The following JSRP1 variants were observed in gnomAD, a reference collection of about 807,000 sequenced individuals.
JSRP1 encodes the protein junctional sarcoplasmic reticulum protein 1, also known as 2310032K21Rik.
A neutral mutation model predicts 21.4 loss-of-function variants in JSRP1; 29 were observed. The ratio of observed to expected loss-of-function variants is 1.36; its 90% CI spans 1.01 to 1.85. The LOEUF is 1.85. Ranked by LOEUF, JSRP1 falls within the 40% of genes most tolerant of loss-of-function variation. The probability of loss-of-function intolerance (pLI) is 0.00; values close to 1 mark genes in which losing one functional copy is unlikely to be tolerated. For synonymous variants in JSRP1, 221 were observed against 206.1 expected, an observed-to-expected ratio of 1.07 and a Z score of -0.62; for missense variants, 531 against 461.5, an observed-to-expected ratio of 1.15 and a Z score of -1.38.
rs1455530916 is a variant in JSRP1 at position 2,253,643 on chromosome 19, C to T, written c.413G>A (p.Gly138Asp). 2.0e-6 allele frequency: 3 copies of T among 1,503,466 alleles called. No homozygotes were observed. Among genetic ancestry groups the T allele is most frequent in the East Asian group, 2.7e-5 (1 of 36,586 alleles). The allele number at this position is 1,503,466 out of a possible 1,614,324, so 93.1% of individuals were successfully genotyped here. ...ACCGCGGCACAGCTGGAAAGCCGAG[C>T]CCAGCAGCGCCACCAGCGAGGCGAG... ...LVLASLVALL[G>D]SAFQLCRDAV... Residue 138 changes from glycine to aspartate, a missense_variant, in exon 5 of 7, where the codon GGC becomes GAC. Gly to Asp is a moderately conservative substitution (Grantham distance 94). Transcript: ENST00000300961.
chr19:2,253,943 G>A (rs2025109645), intron 4 of JSRP1, 150 bp from the exon 5 acceptor site: 1 of 955,760 alleles, frequency 1.0e-6, no homozygotes, highest in Non-Finnish European at 1.4e-6. Context: ...CCAGCCCCGG[G>A]TGCCCCGCAG....
At chr19:2,255,092 A>T in intron 2 of JSRP1, 114 bp downstream of exon 2, 1 of 602,910 alleles carries the variant, frequency 1.7e-6, no homozygotes, top group Non-Finnish European at 2.8e-6. Context: ...TGGGGAGCAC[A>T]CTATAAGCCA....
chr19:2,255,245 G>A lies in JSRP1; in HGVS notation c.70C>T (p.His24Tyr), dbSNP rs1475716604. The change falls in exon 2 of 7, where the codon CAC becomes TAC. Residue 24 changes from histidine to tyrosine, a missense_variant. Transcript: ENST00000300961. Reference protein sequence around the residue: ...GLGSCQALEDHSALAETQEDR... With the variant: ...GLGSCQALEDYSALAETQEDR... ...TCCTGGGTCTCGGCCAGCGCAGAGT[G>A]GTCCTCCAGGGCCTGGCAGCTGCCC... The A allele has an allele frequency of 8.1e-6, 13 of 1,611,274 alleles. No individual in the cohort carries two copies. The Admixed American group carries it at 2.0e-4, about 25-fold the overall frequency.
At chr19:2,254,828 G>C (rs1169652008) in intron 2 of JSRP1, among the ~76,000 whole-genome samples, 4 of 151,974 alleles carry the variant, frequency 2.6e-5, no homozygotes, top group Admixed American at 6.6e-5. Context: ...GGAGGTCAAG[G>C]CTGCAGTGAC....
chr19:2,252,461 G>A lies in JSRP1; in HGVS notation c.864C>T (p.His288=), dbSNP rs77817818. Residue 288 remains histidine (H), a synonymous_variant, in exon 7 of 7, where the codon CAC becomes CAT. Coordinates refer to ENST00000300961, the MANE Select transcript of JSRP1 (RefSeq NM_144616.4). ...CCCTGGAGTCCCGTGCCCACGGCCG[G>A]TGGCCCCCTTCGCGTGACTCCCAGC... ...PQRWESREGG[H]RPWARDSRDA... 3,170 of 1,611,648 alleles carry A rather than the reference G, an allele frequency of 2.0e-3. 64 individuals are homozygous for A. The East Asian group carries it at 0.047, about 24-fold the overall frequency.
At chr19:2,253,593 C>A in intron 5 of JSRP1, 27 bp downstream of exon 5, 1 of 1,426,240 alleles carries the variant, frequency 7.0e-7, no homozygotes, top group South Asian at 1.4e-5. Context: ...CCCAGCCTCG[C>A]CCCACCTCTG....
chr19:2,253,275 G>A (rs1298987317), intron 5 of JSRP1, among the ~76,000 whole-genome samples: 1 of 150,848 alleles, frequency 6.6e-6, no homozygotes, highest in African/African-American at 2.4e-5. Context: ...GGTCGCAGGA[G>A]TGCCCCCGGG....
chr19:2,253,159 G>A (rs2025089293), intron 5 of JSRP1, among the ~76,000 whole-genome samples, 156 bp from the exon 6 acceptor site: 1 of 152,322 alleles, frequency 6.6e-6, no homozygotes, highest in Admixed American at 6.5e-5. Context: ...CGTGGGAAGG[G>A]ACTCCGGGAC....
In JSRP1 at chr19:2,253,721, G is replaced by A. The variant is rs1291542574; in HGVS notation, c.335C>T (p.Ala112Val). Residue 112 changes from alanine to valine, a missense_variant, in exon 5 of 7, where the codon GCC becomes GTC. Transcript: ENST00000300961. Reference protein sequence around the residue: ...PPLQPPPPPPALSEELPWGDL... With the variant: ...PPLQPPPPPPVLSEELPWGDL... ...TCCCCAGGGCAGCTCCTCGCTCAGG[G>A]CCGGGGGCGGCGGCGGCGGCTGCAG... The A allele has an allele frequency of 6.7e-7, 1 of 1,492,198 alleles. No homozygotes were observed. The highest frequency in any genetic ancestry group is 8.9e-7 in the Non-Finnish European group (1 of 1,128,976). 92.4% of individuals were successfully genotyped at this position (1,492,198 alleles called of 1,614,324 possible).
rs113097428 is a variant in JSRP1, at chr19:2,252,904, G to A, written c.528+8C>T. The A allele has an allele frequency of 7.3e-4, 1,175 of 1,608,506 alleles. 4 individuals are homozygous for A. The African/African-American group carries it at 0.013, about 18-fold the overall frequency. The stretch of plus-strand genomic sequence containing the variant: ...CAATGCCCGCGGTCAGTGGAAGGAA[G>A]CTCTTACCAGGGGCGACGATGGCTC... On this transcript the variant is annotated splice_region_variant and intron_variant, in intron 6 of 6. Coordinates refer to ENST00000300961, the MANE Select transcript of JSRP1 (RefSeq NM_144616.4).
In JSRP1 at chr19:2,252,315, G is replaced by A. The variant is rs200163373; in HGVS notation, c.*14C>T. On this transcript the variant is annotated 3_prime_UTR_variant, in exon 7 of 7. Transcript: ENST00000300961. ...CGTCCAGAAGGGGCCCCTGGACTCCGGCGCGGGGCCGGCTCAGTCCCGCCC... is the reference window on the plus strand; with the variant it reads ...CGTCCAGAAGGGGCCCCTGGACTCCAGCGCGGGGCCGGCTCAGTCCCGCCC... 4 of 1,450,046 alleles carry A rather than the reference G, an allele frequency of 2.8e-6. No homozygotes were observed. Among genetic ancestry groups the A allele is most frequent in the East Asian group, 2.5e-5 (1 of 40,156 alleles). The allele number at this position is 1,450,046 out of a possible 1,614,324, so 89.8% of individuals were successfully genotyped here. A position where few individuals can be genotyped will look rare whatever the true frequency, so the allele number is the denominator to read the frequency against.
chr19:2,256,164 C>T (rs139410558), intron 1 of JSRP1, among the ~76,000 whole-genome samples: 19 of 152,280 alleles, frequency 1.2e-4, no homozygotes, highest in African/African-American at 4.1e-4. Context: ...ACCACCCAGC[C>T]CTGGGGCTCC....
Position 2,252,359 on chromosome 19 carries a change from C to A in JSRP1, c.966G>T (p.Gln322His). The change falls in exon 7 of 7, where the codon CAG becomes CAT. Residue 322 changes from glutamine to histidine, a missense_variant. Gln to His is a conservative substitution (Grantham distance 24). Coordinates refer to ENST00000300961, the MANE Select transcript of JSRP1 (RefSeq NM_144616.4). The part of the protein sequence containing the change: ...PDEEQRPGSR[Q>H]KLRAGKGRD Reference sequence around the variant, plus strand: ...CCCGCCCCTTGCCTGCGCGGAGCTTCTGGCGACTCCCAGGCCGCTGCTCCT... The same window carrying A: ...CCCGCCCCTTGCCTGCGCGGAGCTTATGGCGACTCCCAGGCCGCTGCTCCT... 1 of 1,550,732 alleles carries A rather than the reference C, an allele frequency of 6.4e-7. No individual in the cohort carries two copies. Among genetic ancestry groups the A allele is most frequent in the African/African-American group, 1.4e-5 (1 of 73,198 alleles).
chr19:2,254,967 C>A lies in JSRP1; in HGVS notation c.109+239G>T, dbSNP rs181711474. On this transcript the variant is annotated intron_variant, in intron 2 of 6. Coordinates refer to ENST00000300961, the MANE Select transcript of JSRP1 (RefSeq NM_144616.4). ...GGAGACAGCTTTGCCCAAAGACACCCAGCATTTCAGTGGCAACGTGGGATT... is the reference window on the plus strand; with the variant it reads ...GGAGACAGCTTTGCCCAAAGACACCAAGCATTTCAGTGGCAACGTGGGATT... Among the ~76,000 whole-genome samples, 345 of 152,164 alleles carry A rather than the reference C, an allele frequency of 2.3e-3. 2 individuals are homozygous for A. Among genetic ancestry groups the A allele is most frequent in the Middle Eastern group, 0.01 (3 of 294 alleles).
rs867229143 is a variant in JSRP1, at chr19:2,252,597, C to T, written c.728G>A (p.Gly243Glu). ...RGPKERPRRE[G>E]KPRKEKPRKE... ...CCGCGGCTTCTCCTTCCGCGGCTTC[C>T]CCTCTCTCCGAGGCCTCTCCTTGGG... Residue 243 changes from glycine to glutamate, a missense_variant, in exon 7 of 7, where the codon GGG (glycine) becomes GAG (glutamate). By Grantham distance (98) the Gly-to-Glu change is moderately conservative. Transcript: ENST00000300961. The T allele has an allele frequency of 2.5e-6, 4 of 1,612,636 alleles. No individual in the cohort carries two copies. The highest frequency in any genetic ancestry group is 3.3e-5 in the Admixed American group (2 of 60,012).
rs781474766 is a variant in JSRP1, at chr19:2,254,257, C to T, written c.192G>A (p.Lys64=). 3.1e-6 allele frequency: 5 copies of T among 1,605,230 alleles called. No individual in the cohort carries two copies. Among genetic ancestry groups the T allele is most frequent in the Non-Finnish European group, 4.3e-6 (5 of 1,176,058 alleles). The part of the protein sequence containing the change: ...AEGPSVDTRP[K]KMEKEPAARG... ...TGGCGGCAGGCTCTTTTTCCATCTT[C>T]TTGGGCCTGGTGTCCACACTGGGGC... The change falls in exon 4 of 7, where the codon AAG becomes AAA. Residue 64 remains lysine (K), a synonymous_variant. Transcript: ENST00000300961.
intron 3 of JSRP1, 25 bp downstream of exon 3, chr19:2,254,420 A>G (rs772995132): frequency 1.2e-6 from 2 of 1,612,796 alleles, no homozygotes; most frequent in Admixed American, 1.7e-5. Context: ...TCCTGGGTTA[A>G]AGGCTGAGGG....
At chr19:2,253,041 G>A in intron 5 of JSRP1, 38 bp from the exon 6 acceptor site, 3 of 1,450,278 alleles carry the variant, frequency 2.1e-6, no homozygotes, top group Non-Finnish European at 2.9e-6. Flanking sequence ...CAGCTGGGCC[G>A]AGGCACGGTC....
intron 1 of JSRP1, 23 bp from the exon 2 acceptor site, chr19:2,255,367 T>A (rs1253333658): frequency 8.1e-7 from 1 of 1,238,118 alleles, no homozygotes; most frequent in Non-Finnish European, 1.2e-6. Flanking sequence ...GGGAACAAGG[T>A]CTTGCATTTA....
Sources: gnomAD v4.1 joint callset for allele counts (sites outside exome capture counted in the v4.1 genomes callset) on GRCh38, gnomAD v4.1.1 for gene constraint, MANE v1.5 for transcripts, NCBI Gene and HGNC (gene_info 2026-07-23, HGNC 2026-07-21) for gene names.